PMPCB: variants seen among roughly 807,000 people sequenced by gnomAD.
The protein encoded by PMPCB is mitochondrial-processing peptidase subunit beta.
In PMPCB, 46 loss-of-function variants were observed where a neutral mutation model predicts 61.5. That is an observed-to-expected ratio of 0.75 (90% CI 0.59 to 0.96). The LOEUF (loss-of-function observed/expected upper bound fraction) is 0.96. PMPCB is among the 40% of genes least tolerant of loss of function. The pLI, the probability that PMPCB is intolerant of heterozygous loss-of-function variation, is 0.00. For missense variants in PMPCB, 590 were observed against 602.4 expected (o/e 0.98, Z 0.22); for synonymous variants, 191 against 201.6 (o/e 0.95, Z 0.44).
intron 6 of PMPCB, 25 bp from the exon 7 acceptor site, chr7:103,307,571 G>T (rs1424459066): frequency 1.5e-6 from 2 of 1,359,150 alleles, no homozygotes; most frequent in East Asian, 2.3e-5. Context: ...CTAGATACAT[G>T]TGAAAATATT....
downstream of PMPCB, among the ~76,000 whole-genome samples, chr7:103,332,873 C>T (rs952203181): frequency 2.0e-5 from 3 of 152,202 alleles, no homozygotes; most frequent in African/African-American, 7.2e-5. Flanking sequence ...ATCCACCCAC[C>T]TCAGCCTTCT....
chr7:103,310,336 C>T lies in PMPCB; in HGVS notation c.1015C>T (p.Gln339Ter). 1.2e-6 allele frequency: 2 copies of T among 1,613,298 alleles called. No individual in the cohort carries two copies. Among genetic ancestry groups the T allele is most frequent in the Non-Finnish European group, 1.7e-6 (2 of 1,179,676 alleles). Residue 339 changes from glutamine (Q) to a stop codon, truncating the protein, a stop_gained, in exon 9 of 13, where the codon CAG becomes TAG. Coordinates refer to ENST00000249269, the MANE Select transcript of PMPCB (RefSeq NM_004279.3). LOFTEE classifies it high-confidence loss of function. ...GCAGAATTTATCTAGCAAGCTGGCC[C>T]AGCTCACTTGTCATGGCAATCTTTG... Reference protein sequence around the residue: ...GGMNLSSKLAQLTCHGNLCHS... With the variant: ...GGMNLSSKLA
At chr7:103,308,204 C>T (rs954145198) in intron 7 of PMPCB, among the ~76,000 whole-genome samples, 9 of 152,178 alleles carry the variant, frequency 5.9e-5, no homozygotes, top group African/African-American at 1.9e-4. Context: ...GCTTAGTTTG[C>T]CATGTTGAGG....
At chr7:103,309,598 A>G (rs1184531515) in intron 8 of PMPCB, among the ~76,000 whole-genome samples, 1 of 152,210 alleles carries the variant, frequency 6.6e-6, no homozygotes. Context: ...TTATATGCAA[A>G]TATTACATAT....
chr7:103,297,794 C>T (rs1172203994), intron 1 of PMPCB: 1 of 1,529,042 alleles, frequency 6.5e-7, no homozygotes, highest in Admixed American at 2.0e-5. Context: ...CGGCTCCTCC[C>T]GCCAGCTACT....
the PMPCB span, among the ~76,000 whole-genome samples, chr7:103,345,957 T>A: frequency 6.6e-6 from 1 of 151,370 alleles, no homozygotes; most frequent in Admixed American, 6.6e-5. Flanking sequence ...AAAAAAAAAA[T>A]TGAACTAATC....
At chr7:103,318,897 T>G (rs1238360099), downstream of PMPCB, among the ~76,000 whole-genome samples, 2 of 152,150 alleles carry the variant, frequency 1.3e-5, no homozygotes, top group Non-Finnish European at 2.9e-5. Flanking sequence ...TAATCCAACT[T>G]AAATCAACAA....
chr7:103,304,684 C>T (rs1310241898), intron 6 of PMPCB, among the ~76,000 whole-genome samples, 194 bp downstream of exon 6: 4 of 151,958 alleles, frequency 2.6e-5, no homozygotes, highest in African/African-American at 9.7e-5. Context: ...TCATTTAGGC[C>T]AGGCATGGTG....
At chr7:103,347,222 T>C in the PMPCB span, among the ~76,000 whole-genome samples, 25 of 152,220 alleles carry the variant, frequency 1.6e-4, no homozygotes, top group Non-Finnish European at 3.7e-4. Context: ...TGTTTTTGCT[T>C]GTTTTTTAAT....
At chr7:103,297,752 CT>C (rs777756555) in intron 1 of PMPCB, 194 bp downstream of exon 1, 1 of 1,533,792 alleles carries the variant, frequency 6.5e-7, no homozygotes, top group South Asian at 1.2e-5. Flanking sequence ...GCCAGGAGAC[CT>C]GCTAGTGACG....
chr7:103,306,227 A>C (rs944622120), intron 6 of PMPCB, among the ~76,000 whole-genome samples: 1 of 152,156 alleles, frequency 6.6e-6, no homozygotes, highest in Non-Finnish European at 1.5e-5. Context: ...TTATTATAAA[A>C]TTATAATTTA....
the PMPCB span, among the ~76,000 whole-genome samples, chr7:103,341,415 T>C: frequency 4.6e-5 from 7 of 152,234 alleles, no homozygotes; most frequent in Admixed American, 2.6e-4. Flanking sequence ...ATACGACTTA[T>C]CAATTCCTCA....
At chr7:103,314,739 A>C (rs1259680055), downstream of PMPCB, 1 of 712,934 alleles carries the variant, frequency 1.4e-6, no homozygotes, top group Non-Finnish European at 1.7e-6. Flanking sequence ...CTATATTAAC[A>C]CTGTAAGTCT....
intron 6 of PMPCB, among the ~76,000 whole-genome samples, chr7:103,305,782 CTG>C (rs1817559724): frequency 1.3e-5 from 2 of 152,282 alleles, no homozygotes; most frequent in South Asian, 4.1e-4. Flanking sequence ...GAAGTGCACT[CTG>C]AAATTCTCTT....
intron 12 of PMPCB, among the ~76,000 whole-genome samples, chr7:103,321,416 G>C (rs775771293): frequency 6.6e-6 from 1 of 151,988 alleles, no homozygotes; most frequent in African/African-American, 2.4e-5. Context: ...TACTCAGGAG[G>C]CTGAGGCAGG....
rs372983112 is a variant in PMPCB at position 103,312,078 on chromosome 7, G to A, written c.1352G>A (p.Arg451Gln). ...RIDAVNAETI[R>Q]EVCTKYIYNR... ...CAGGCTGTGAATGCTGAGACAATTC[G>A]AGAAGTATGTACCAAATACATTTAT... is the stretch of plus-strand genomic sequence containing the variant. Residue 451 changes from arginine to glutamine, a missense_variant, in exon 12 of 13, where the codon CGA becomes CAA. By Grantham distance (43) the Arg-to-Gln change is conservative. Transcript: ENST00000249269. 13 of 1,613,746 alleles carry A rather than the reference G, an allele frequency of 8.1e-6. No individual in the cohort carries two copies. The African/African-American group carries it at 9.3e-5, about 12-fold the overall frequency.
intron 11 of PMPCB, 25 bp downstream of exon 11, chr7:103,311,921 G>A: frequency 6.5e-7 from 1 of 1,537,070 alleles, no homozygotes; most frequent in Non-Finnish European, 8.9e-7. Context: ...GTTACTATTG[G>A]GTCATGTGTA....
At position 103,312,584 on chromosome 7, in the gene PMPCB, A is replaced by C. The variant is rs911527719; in HGVS notation, c.*313A>C. On this transcript the variant is annotated 3_prime_UTR_variant, in exon 13 of 13. Transcript: ENST00000249269. The stretch of plus-strand genomic sequence containing the variant: ...ACAAAGATTGTCATTTCTTGGCTCT[A>C]CTTGCATTCAGCACTTGTTCTTGAG... 2.5e-6 allele frequency: 4 copies of C among 1,612,980 alleles called. No homozygotes were observed. Among genetic ancestry groups the C allele is most frequent in the African/African-American group, 1.3e-5 (1 of 75,020 alleles).
At chr7:103,303,033 T>G (rs1817490272) in intron 4 of PMPCB, among the ~76,000 whole-genome samples, 1 of 152,226 alleles carries the variant, frequency 6.6e-6, no homozygotes, top group South Asian at 2.1e-4. Context: ...ATAAAATTGC[T>G]TAATGGCCTA....
Sources: gnomAD v4.1 joint callset for allele counts (sites outside exome capture counted in the v4.1 genomes callset) on GRCh38, gnomAD v4.1.1 for gene constraint, MANE v1.5 for transcripts, NCBI Gene and HGNC (gene_info 2026-07-23, HGNC 2026-07-21) for gene names.